The following CNOT10 variants were observed in gnomAD, a reference collection of about 807,000 sequenced individuals.
The protein encoded by CNOT10 is CCR4-NOT transcription complex subunit 10.
A neutral mutation model predicts 94.6 loss-of-function variants in CNOT10; 30 were observed. The ratio of observed to expected loss-of-function variants is 0.32; its 90% confidence interval spans 0.24 to 0.43. The LOEUF (loss-of-function observed/expected upper bound fraction) is 0.43, where lower values mean the gene tolerates loss of function less well. CNOT10 is among the 20% of genes least tolerant of loss of function. CNOT10 has a pLI of 1.00. For missense variants in CNOT10, 759 were observed against 877.2 expected (o/e 0.87, Z 1.70); for synonymous variants, 289 against 301.6 (o/e 0.96, Z 0.43).
intron 1 of CNOT10, among the ~76,000 whole-genome samples, chr3:32,685,871 G>C (rs1696572156): frequency 6.6e-6 from 1 of 152,052 alleles, no homozygotes. Context: ...GGATTCACCT[G>C]GGCTGTTTTG....
At chr3:32,698,263 A>G (rs1466026451) in intron 1 of CNOT10, among the ~76,000 whole-genome samples, 2 of 152,230 alleles carry the variant, frequency 1.3e-5, no homozygotes, top group Admixed American at 6.5e-5. Context: ...TAAAATAACT[A>G]CTTGACCTGC....
intron 1 of CNOT10, chr3:32,693,585 A>C (rs1696934009): frequency 6.7e-6 from 1 of 149,554 alleles, no homozygotes; most frequent in Non-Finnish European, 1.5e-5. Flanking sequence ...TCTGTCACCC[A>C]GGCTGGAGTG....
chr3:32,686,015 C>T (rs1169566786), intron 1 of CNOT10, among the ~76,000 whole-genome samples: 1 of 152,070 alleles, frequency 6.6e-6, no homozygotes, highest in African/African-American at 2.4e-5. Flanking sequence ...TGGGCCCAAG[C>T]GATCCTTCCG....
At chr3:32,695,444 A>G (rs977138712) in intron 1 of CNOT10, 2 of 802,426 alleles carry the variant, frequency 2.5e-6, no homozygotes, top group Non-Finnish European at 3.6e-6. Context: ...TTTTCTTGAT[A>G]TATCAGTGGA....
intron 13 of CNOT10, chr3:32,753,957 C>T: frequency 1.2e-6 from 1 of 831,418 alleles, no homozygotes; most frequent in Non-Finnish European, 1.8e-6. Flanking sequence ...ATTAGCTGGG[C>T]ATGGAGGTGC....
At chr3:32,718,518 A>T (rs1446227036) in intron 7 of CNOT10, among the ~76,000 whole-genome samples, 1 of 135,060 alleles carries the variant, frequency 7.4e-6, no homozygotes, top group East Asian at 2.4e-4. Context: ...CGGGAGGCGG[A>T]TCTTGCTGTG....
At chr3:32,736,195 C>G (rs1332938904) in intron 12 of CNOT10, among the ~76,000 whole-genome samples, 1 of 152,166 alleles carries the variant, frequency 6.6e-6, no homozygotes, top group African/African-American at 2.4e-5. Context: ...AAGCGATTCT[C>G]CTGCCTCAAC....
At chr3:32,697,464 C>A (rs1160155142) in intron 1 of CNOT10, among the ~76,000 whole-genome samples, 3 of 151,794 alleles carry the variant, frequency 2.0e-5, no homozygotes, top group African/African-American at 7.3e-5. Flanking sequence ...TTATTTTATT[C>A]ATATCTTTTA....
In CNOT10 at chr3:32,704,895, GC is replaced by G; in HGVS notation, c.203del (p.Ala68GlufsTer2). 6.4e-7 allele frequency: 1 copy of G among 1,571,800 alleles called. No individual in the cohort carries two copies. Among genetic ancestry groups the G allele is most frequent in the Admixed American group, 2.1e-5 (1 of 47,838 alleles). On this transcript the variant is annotated frameshift_variant, in exon 3 of 19. Transcript: ENST00000328834. LOFTEE classifies it high-confidence loss of function. ...KDDYKIILNTAVAEFFKSNQT... is the reference protein window; with the variant it reads ...KDDYKIILNTXVAEFFKSNQT... ...TGATTATAAAATAATTTTGAATACA[GC>G]AGTAGCTGAGTTTTTTAAAAGTAAC...
intron 13 of CNOT10, among the ~76,000 whole-genome samples, chr3:32,749,233 A>G (rs1330044284): frequency 6.6e-6 from 1 of 151,678 alleles, no homozygotes; most frequent in Non-Finnish European, 1.5e-5. Flanking sequence ...TTGAAGCATA[A>G]ACGTTTTTCA....
intron 1 of CNOT10, among the ~76,000 whole-genome samples, chr3:32,692,016 A>G (rs886503753): frequency 6.8e-6 from 1 of 146,944 alleles, no homozygotes; most frequent in Non-Finnish European, 1.5e-5. Context: ...ACACCACTGC[A>G]CTCCAACCTG....
In CNOT10 at chr3:32,704,982, A is replaced by ATTT; in HGVS notation, c.279+10_279+11insTTT. The ATTT allele has an allele frequency of 6.8e-7, 1 of 1,476,300 alleles. No homozygotes were observed. Among genetic ancestry groups the ATTT allele is most frequent in the Non-Finnish European group, 9.0e-7 (1 of 1,111,626 alleles). 91.5% of individuals were successfully genotyped at this position (1,476,300 alleles called of 1,614,324 possible). ...CCAGCTGAAGAATCAGGTGATACAT[A>ATTT]AATGAATTTAACTATAAAAAATATT... On this transcript the variant is annotated intron_variant, in intron 3 of 18. Coordinates refer to ENST00000328834, the MANE Select transcript of CNOT10 (RefSeq NM_015442.3).
intron 13 of CNOT10, among the ~76,000 whole-genome samples, chr3:32,750,027 G>A (rs1297937073): frequency 2.0e-5 from 3 of 152,024 alleles, no homozygotes; most frequent in Non-Finnish European, 4.4e-5. Context: ...GATCAGCCTG[G>A]CCTACATAGT....
intron 13 of CNOT10, among the ~76,000 whole-genome samples, chr3:32,752,555 A>G (rs192985306): frequency 6.6e-6 from 1 of 152,268 alleles, no homozygotes; most frequent in African/African-American, 2.4e-5. Context: ...TTTGTGTTGT[A>G]CTTCTATTTC....
Position 32,764,794 on chromosome 3 carries a change from A to T in CNOT10, c.1989A>T (p.Arg663=), listed in dbSNP as rs1261222331. ...TGAGGAGCGAATATGACAAAGCCCG[A>T]AAGTGTCTCCACCAGGTGAGTCCAG... is the stretch of plus-strand genomic sequence containing the variant. ...YCLRSEYDKA[R]KCLHQAASMI... is the part of the protein sequence containing the mutation. Residue 663 remains arginine (R), a synonymous_variant, in exon 17 of 19, where the codon CGA becomes CGT. Coordinates refer to ENST00000328834, the MANE Select transcript of CNOT10 (RefSeq NM_015442.3). The T allele has an allele frequency of 6.2e-7, 1 of 1,614,096 alleles. No individual in the cohort carries two copies. Among genetic ancestry groups the T allele is most frequent in the African/African-American group, 1.3e-5 (1 of 74,926 alleles).
intron 18 of CNOT10, 77 bp downstream of exon 18, chr3:32,770,039 T>A (rs1700829541): frequency 6.2e-6 from 7 of 1,122,146 alleles, no homozygotes; most frequent in Non-Finnish European, 9.4e-6. Flanking sequence ...AGGGTCTCAC[T>A]GTGTTGCCCA....
Position 32,733,447 on chromosome 3 carries a change from C to A in CNOT10, c.1240C>A (p.Leu414Ile). 6.3e-7 allele frequency: 1 copy of A among 1,594,518 alleles called. No individual in the cohort carries two copies. Among genetic ancestry groups the A allele is most frequent in the Non-Finnish European group, 8.6e-7 (1 of 1,169,088 alleles). ...GACTTCTGAACAAGAAACTAAAGGC[C>A]TTCCCAGCAAAAAAGGAATTGTACA... ...KGTSEQETKG[L>I]PSKKGIVQSI... Residue 414 changes from leucine (L) to isoleucine (I), a missense_variant, in exon 11 of 19, where the codon CTT becomes ATT. Coordinates refer to ENST00000328834, the MANE Select transcript of CNOT10 (RefSeq NM_015442.3).
intron 13 of CNOT10, among the ~76,000 whole-genome samples, chr3:32,755,825 G>C (rs1461849299): frequency 6.7e-6 from 1 of 148,558 alleles, no homozygotes; most frequent in Non-Finnish European, 1.5e-5. Context: ...CCTAGAGCTA[G>C]TTCCTTCAGC....
At chr3:32,753,664 T>G in intron 13 of CNOT10, 2 of 1,577,022 alleles carry the variant, frequency 1.3e-6, no homozygotes, top group Non-Finnish European at 1.7e-6. Flanking sequence ...TACAAGAAAT[T>G]GGGATAAATT....
Sources: allele counts gnomAD v4.1 joint callset (sites outside exome capture counted in the v4.1 genomes callset), GRCh38; gene constraint gnomAD v4.1.1; transcripts MANE v1.5; gene names NCBI Gene and HGNC (gene_info 2026-07-23, HGNC 2026-07-21).